CDH20: variants seen among roughly 807,000 people sequenced by gnomAD.
CDH20 encodes the protein cadherin-20.
A neutral mutation model predicts 74.2 loss-of-function variants in CDH20; 29 were observed. That is an observed-to-expected ratio of 0.39 (90% CI 0.29 to 0.53). CDH20 has a LOEUF of 0.53. Among genes scored for constraint, CDH20 ranks in the 20% least tolerant of loss-of-function variants. CDH20 has a pLI of 0.69. For missense variants in CDH20, 988 were observed against 1,048.3 expected, an observed-to-expected ratio of 0.94 and a Z score of 0.79; for synonymous variants, 469 against 405.4, an observed-to-expected ratio of 1.16 and a Z score of -1.88.
At chr18:61,470,194 G>A (rs1195507560) in intron 1 of CDH20, among the ~76,000 whole-genome samples, 1 of 152,180 alleles carries the variant, frequency 6.6e-6, no homozygotes, top group Non-Finnish European at 1.5e-5. Context: ...GGGGGGTGTG[G>A]AGAAATCAGG....
At chr18:61,458,819 T>C (rs1272932984) in intron 1 of CDH20, among the ~76,000 whole-genome samples, 1 of 152,256 alleles carries the variant, frequency 6.6e-6, no homozygotes, top group African/African-American at 2.4e-5. Flanking sequence ...CAAATTTAAG[T>C]ATATTTTATG....
chr18:61,543,221 C>A (rs555012742), intron 9 of CDH20, among the ~76,000 whole-genome samples: 29 of 152,264 alleles, frequency 1.9e-4, no homozygotes, highest in African/African-American at 6.7e-4. Context: ...AGCTTTAGCT[C>A]CCCTAATTTA....
At chr18:61,454,051 T>A (rs1291322679) in intron 1 of CDH20, among the ~76,000 whole-genome samples, 1 of 152,156 alleles carries the variant, frequency 6.6e-6, no homozygotes, top group Non-Finnish European at 1.5e-5. Context: ...ATTTCTCTAA[T>A]GACTAATGAT....
At chr18:61,465,045 C>A in intron 1 of CDH20, among the ~76,000 whole-genome samples, 1 of 152,192 alleles carries the variant, frequency 6.6e-6, no homozygotes, top group East Asian at 1.9e-4. Flanking sequence ...TCAAAATAAG[C>A]CTTGTAATAT....
At chr18:61,359,429 C>T (rs62098065) in intron 1 of CDH20, among the ~76,000 whole-genome samples, 16,605 of 151,782 alleles carry the variant, frequency 0.11, 1,129 homozygotes, top group Non-Finnish European at 0.16. Context: ...AAAAGAAACC[C>T]GCAAAGCTTA....
rs1910929569 is a variant in CDH20 at position 61,490,704 on chromosome 18, CCA to C, written c.154_155del (p.Gln52ValfsTer108). On this transcript the variant is annotated frameshift_variant, in exon 2 of 12. Transcript: ENST00000262717. LOFTEE classifies it high-confidence loss of function. ...GELEALLSDK[P>X]QSHQRTKRSW... The stretch of plus-strand genomic sequence containing the variant: ...ATTAGAAGCACTCCTGTCAGACAAG[CCA>C]CAGTCACATCAGCGGACCAAGAGGA... 6.2e-7 allele frequency: 1 copy of C among 1,614,150 alleles called. No homozygotes were observed. The highest frequency in any genetic ancestry group is 8.5e-7 in the Non-Finnish European group (1 of 1,180,016).
chr18:61,478,708 G>A (rs1023141319), intron 1 of CDH20, among the ~76,000 whole-genome samples: 1 of 152,124 alleles, frequency 6.6e-6, no homozygotes, highest in Admixed American at 6.5e-5. Flanking sequence ...ACTTAGTGAA[G>A]AAGTCTTTTT....
chr18:61,413,049 C>T (rs1309010429), intron 1 of CDH20, among the ~76,000 whole-genome samples: 3 of 152,068 alleles, frequency 2.0e-5, no homozygotes, highest in East Asian at 3.9e-4. Flanking sequence ...GAGACGAATC[C>T]CTGAACTAAA....
At chr18:61,457,673 A>C (rs1171339424) in intron 1 of CDH20, among the ~76,000 whole-genome samples, 4 of 152,208 alleles carry the variant, frequency 2.6e-5, no homozygotes, top group Admixed American at 6.5e-5. Context: ...ATGGAAGGAT[A>C]AAATAATATG....
intron 1 of CDH20, among the ~76,000 whole-genome samples, chr18:61,403,181 A>G (rs975422910): frequency 5.9e-5 from 9 of 152,180 alleles, no homozygotes; most frequent in African/African-American, 2.2e-4. Context: ...TTATGAACTC[A>G]GTCACTTGCT....
chr18:61,550,892 G>A (rs1376955465), intron 11 of CDH20, among the ~76,000 whole-genome samples: 1 of 152,242 alleles, frequency 6.6e-6, no homozygotes, highest in Non-Finnish European at 1.5e-5. Flanking sequence ...GCAGAGAGCT[G>A]AAGGAAGTGA....
At chr18:61,357,142 A>C (rs1448784071) in intron 1 of CDH20, among the ~76,000 whole-genome samples, 1 of 152,150 alleles carries the variant, frequency 6.6e-6, no homozygotes, top group Non-Finnish European at 1.5e-5. Context: ...CATTTACACC[A>C]AGCAGCCAGA....
intron 6 of CDH20, among the ~76,000 whole-genome samples, chr18:61,520,177 G>A (rs1325778979): frequency 9.3e-5 from 14 of 150,420 alleles, no homozygotes; most frequent in Admixed American, 5.9e-4. Flanking sequence ...TTAGCCAGGC[G>A]TGGTGGTGGG....
intron 9 of CDH20, among the ~76,000 whole-genome samples, chr18:61,541,854 G>A (rs1913052217): frequency 6.6e-6 from 1 of 152,150 alleles, no homozygotes; most frequent in African/African-American, 2.4e-5. Flanking sequence ...GGACAAGGGC[G>A]GAATGAAACC....
chr18:61,453,432 C>T (rs776378435), intron 1 of CDH20, among the ~76,000 whole-genome samples: 9 of 152,128 alleles, frequency 5.9e-5, no homozygotes, highest in South Asian at 2.1e-4. Flanking sequence ...CGTGTGCCAC[C>T]GTGCCCAGCT....
chr18:61,373,428 G>T (rs1911110127), intron 1 of CDH20, among the ~76,000 whole-genome samples: 1 of 151,856 alleles, frequency 6.6e-6, no homozygotes, highest in Admixed American at 6.6e-5. Context: ...TCACCTAACT[G>T]CCAGAAATGC....
chr18:61,471,248 G>A (rs984923596), intron 1 of CDH20, among the ~76,000 whole-genome samples: 1 of 152,136 alleles, frequency 6.6e-6, no homozygotes, highest in African/African-American at 2.4e-5. Context: ...AGCACATGTT[G>A]CTCTCTGCAG....
chr18:61,467,225 T>C (rs1356110578), intron 1 of CDH20, among the ~76,000 whole-genome samples: 2 of 152,192 alleles, frequency 1.3e-5, no homozygotes, highest in African/African-American at 2.4e-5. Flanking sequence ...ATTAGAATCA[T>C]GTGCAAATTG....
chr18:61,507,299 C>T, intron 5 of CDH20, 74 bp from the exon 6 acceptor site: 1 of 1,383,116 alleles, frequency 7.2e-7, no homozygotes, highest in South Asian at 1.2e-5. Flanking sequence ...CACAGCACTC[C>T]TGATATGATA....
Sources: gnomAD v4.1 joint callset for allele counts (sites outside exome capture counted in the v4.1 genomes callset) on GRCh38, gnomAD v4.1.1 for gene constraint, MANE v1.5 for transcripts, NCBI Gene and HGNC (gene_info 2026-07-23, HGNC 2026-07-21) for gene names.